NAV2: variants seen among roughly 807,000 people sequenced by gnomAD.
The protein encoded by NAV2 is helicase, APC down-regulated 1.
In NAV2, 54 loss-of-function variants were observed where a neutral mutation model predicts 223.2. The observed-to-expected ratio is 0.24, with a 90% CI of 0.19 to 0.30. NAV2 has a LOEUF of 0.30. NAV2 is among the 10% of genes least tolerant of loss of function. NAV2 has a pLI of 1.00. For synonymous variants in NAV2, 1,279 were observed against 1,239.3 expected, an observed-to-expected ratio of 1.03 and a Z score of -0.67; for missense variants, 2,806 against 3,147.5, an observed-to-expected ratio of 0.89 and a Z score of 2.60.
chr11:20,080,721 T>G (rs1043533530), intron 25 of NAV2, among the ~76,000 whole-genome samples: 7 of 152,212 alleles, frequency 4.6e-5, no homozygotes, highest in African/African-American at 1.4e-4. Flanking sequence ...ATGTCAGTGT[T>G]AGAAGTTAGC....
At chr11:19,828,798 G>A (rs755856760) in intron 1 of NAV2, among the ~76,000 whole-genome samples, 32 of 152,308 alleles carry the variant, frequency 2.1e-4, no homozygotes, top group African/African-American at 6.7e-4. Flanking sequence ...TTAGAGCTGC[G>A]CCCTAGGAAA....
chr11:19,996,667 T>C (rs1591587515), intron 11 of NAV2, among the ~76,000 whole-genome samples: 1 of 152,234 alleles, frequency 6.6e-6, no homozygotes, highest in Non-Finnish European at 1.5e-5. Flanking sequence ...CAGCCTCTGC[T>C]GTAAACCCCT....
At chr11:19,608,194 G>A (rs921475076) in intron 1 of NAV2, among the ~76,000 whole-genome samples, 5 of 152,200 alleles carry the variant, frequency 3.3e-5, no homozygotes, top group African/African-American at 1.2e-4. Flanking sequence ...GAGCTCTGTT[G>A]TTCAAATAAA....
chr11:19,527,973 A>ACACACACACACACACACACACAC (rs2043897505), intron 1 of NAV2, among the ~76,000 whole-genome samples: 1 of 112,096 alleles, frequency 8.9e-6, no homozygotes, highest in African/African-American at 4.5e-5. Flanking sequence ...CACACACACA[A>ACACACACACACACACACACACAC]TCCTGGGAAT....
chr11:20,101,246 G>T, intron 32 of NAV2, 74 bp downstream of exon 32: 1 of 1,171,278 alleles, frequency 8.5e-7, no homozygotes, highest in South Asian at 1.4e-5. Context: ...TAGCCTGAAG[G>T]GAAAGCAGCA....
chr11:19,440,721 A>G (rs1851371628), intron 1 of NAV2, among the ~76,000 whole-genome samples: 1 of 152,178 alleles, frequency 6.6e-6, no homozygotes. Flanking sequence ...TGCCCAGTCT[A>G]CACACCTCCT....
At chr11:19,842,208 G>A (rs1373855139) in intron 2 of NAV2, among the ~76,000 whole-genome samples, 1 of 152,148 alleles carries the variant, frequency 6.6e-6, no homozygotes, top group Admixed American at 6.5e-5. Context: ...GTCCTCCTTT[G>A]TATTAGTACT....
intron 1 of NAV2, among the ~76,000 whole-genome samples, chr11:19,530,888 T>G (rs886838292): frequency 2.0e-5 from 3 of 152,226 alleles, no homozygotes; most frequent in South Asian, 2.1e-4. Context: ...AGTAGTATAT[T>G]CAGAATTTGA....
At chr11:19,748,734 G>A (rs2053570054) in intron 1 of NAV2, among the ~76,000 whole-genome samples, 1 of 109,724 alleles carries the variant, frequency 9.1e-6, no homozygotes, top group Admixed American at 8.2e-5. Context: ...TTAATACTCT[G>A]TTAGGAACGG....
At chr11:19,546,692 G>A (rs2044508663) in intron 1 of NAV2, among the ~76,000 whole-genome samples, 1 of 152,184 alleles carries the variant, frequency 6.6e-6, no homozygotes, top group South Asian at 2.1e-4. Context: ...TTATTTCCCA[G>A]GTTTTGAGTA....
Position 19,527,771 on chromosome 11 carries a change from T to G in NAV2, c.75+176744T>G, listed in dbSNP as rs552578868. Among the ~76,000 whole-genome samples the G allele has an allele frequency of 1.2e-4, 18 of 152,332 alleles. No individual in the cohort carries two copies. The East Asian group carries it at 2.1e-3, about 18-fold the overall frequency. On this transcript the variant is annotated intron_variant, in intron 1 of 37. Transcript: ENST00000360655. The stretch of plus-strand genomic sequence containing the variant: ...TGTCTTAGGGTCCACACACTTGGAA[T>G]GCACTCTGACTTAGGCTCTTGATTT...
intron 1 of NAV2, among the ~76,000 whole-genome samples, chr11:19,494,118 G>A (rs763518794): frequency 6.6e-6 from 1 of 152,190 alleles, no homozygotes; most frequent in South Asian, 2.1e-4. Context: ...GTGCTGTGGT[G>A]TGTGACTCTC....
In NAV2 at chr11:19,787,270, C is replaced by CTTTTTTTTTTTT. The variant is rs757183666; in HGVS notation, c.268-45197_268-45186dup. ...CATGCCTGGCTAATTTTTATTGGAT[C>CTTTTTTTTTTTT]TTTTTTTTTTTTTTTTTTTTTTTTT... On this transcript the variant is annotated intron_variant, in intron 1 of 37. Coordinates refer to ENST00000349880, the MANE Select transcript of NAV2 (RefSeq NM_145117.5). 5.5e-5 allele frequency among the ~76,000 whole-genome samples: 3 copies of CTTTTTTTTTTTT among 55,006 alleles called. 1 individual carries two copies. The highest frequency in any genetic ancestry group is 1.9e-4 in the African/African-American group (3 of 16,140). The allele number at this position is 55,006 out of a possible 152,430, so 36.1% of individuals were successfully genotyped here.
At chr11:19,528,021 A>T (rs1206198743) in intron 1 of NAV2, among the ~76,000 whole-genome samples, 1 of 151,820 alleles carries the variant, frequency 6.6e-6, no homozygotes. Flanking sequence ...TGGTAGGGAC[A>T]TGGCAGTGGG....
At chr11:19,397,703 A>T (rs1849517046) in intron 1 of NAV2, among the ~76,000 whole-genome samples, 1 of 152,186 alleles carries the variant, frequency 6.6e-6, no homozygotes, top group Non-Finnish European at 1.5e-5. Flanking sequence ...TGTCACAGAG[A>T]AAAGATCAGC....
chr11:19,492,687 A>G (rs2042669545), intron 1 of NAV2, among the ~76,000 whole-genome samples: 1 of 152,206 alleles, frequency 6.6e-6, no homozygotes, highest in Non-Finnish European at 1.5e-5. Flanking sequence ...CTATTTAGCA[A>G]AAGCAAATCC....
chr11:19,692,753 G>A (rs1025737919), intron 1 of NAV2, among the ~76,000 whole-genome samples: 3 of 152,144 alleles, frequency 2.0e-5, no homozygotes, highest in African/African-American at 2.4e-5. Flanking sequence ...GCCAGGCATC[G>A]TTCTAGACTC....
chr11:20,116,649 G>A (rs1402861580), intron 37 of NAV2, among the ~76,000 whole-genome samples: 1 of 152,198 alleles, frequency 6.6e-6, no homozygotes, highest in Non-Finnish European at 1.5e-5. Context: ...GACACAGAAG[G>A]TGTGTAGGTA....
intron 1 of NAV2, among the ~76,000 whole-genome samples, chr11:19,474,437 A>T (rs1258454092): frequency 6.6e-6 from 1 of 152,250 alleles, no homozygotes; most frequent in African/African-American, 2.4e-5. Flanking sequence ...ATACAATTTT[A>T]TTAGAAAGCA....
Sources: gnomAD v4.1 joint callset for allele counts (sites outside exome capture counted in the v4.1 genomes callset) on GRCh38, gnomAD v4.1.1 for gene constraint, MANE v1.5 for transcripts, NCBI Gene and HGNC (gene_info 2026-07-23, HGNC 2026-07-21) for gene names.